The following XRRA1 variants were observed in gnomAD, a reference collection of about 807,000 sequenced individuals.
The protein encoded by XRRA1 is X-ray radiation resistance-associated protein 1.
In XRRA1, 69 loss-of-function variants were observed where a neutral mutation model predicts 80.2. That is an observed-to-expected ratio of 0.86 (90% CI 0.71 to 1.05). The LOEUF (loss-of-function observed/expected upper bound fraction) is 1.05. Among genes scored for constraint, XRRA1 ranks in the 50% least tolerant of loss-of-function variants. XRRA1 has a pLI of 0.00. For missense variants in XRRA1, 967 were observed against 976.4 expected (o/e 0.99, Z 0.13); for synonymous variants, 348 against 389.9 (o/e 0.89, Z 1.27).
rs1747171031 is a variant in XRRA1 at position 74,852,100 on chromosome 11, G to C, written c.1171-18C>G. On this transcript the variant is annotated intron_variant, in intron 12 of 18. Transcript: ENST00000684022. The stretch of plus-strand genomic sequence containing the variant: ...TTTGCGATCTGTAATGAATGCAGGA[G>C]AGACTCTCAGGTTGACACCACCCCT... 2 of 1,608,064 alleles carry C rather than the reference G, an allele frequency of 1.2e-6. No individual in the cohort carries two copies. The highest frequency in any genetic ancestry group is 1.7e-5 in the Admixed American group (1 of 59,976).
At chr11:74,897,527 T>C (rs576710884) in intron 10 of XRRA1, among the ~76,000 whole-genome samples, 2 of 151,898 alleles carry the variant, frequency 1.3e-5, no homozygotes, top group Admixed American at 6.6e-5. Context: ...GAACACCAAG[T>C]AGATTTAAGC....
chr11:74,847,316 G>A (rs1393286795), intron 15 of XRRA1, among the ~76,000 whole-genome samples: 1 of 152,104 alleles, frequency 6.6e-6, no homozygotes, highest in African/African-American at 2.4e-5. Context: ...CAGACTGGAG[G>A]GGCAAGACTA....
intron 10 of XRRA1, among the ~76,000 whole-genome samples, chr11:74,883,056 G>C (rs1328204179): frequency 6.6e-6 from 1 of 152,214 alleles, no homozygotes; most frequent in Non-Finnish European, 1.5e-5. Flanking sequence ...GAGCTTCCCG[G>C]CTGCTTTGTT....
At position 74,921,225 on chromosome 11, in the gene XRRA1, G is replaced by A. The variant is rs367799026; in HGVS notation, c.645C>T (p.Ala215=). 20 of 1,613,664 alleles carry A rather than the reference G, an allele frequency of 1.2e-5. No individual in the cohort carries two copies. The highest frequency in any genetic ancestry group is 8.9e-5 in the East Asian group (4 of 44,898). ...GAGGTAGAACTTACTGTTCTGCGACGGCCAAATTGGGCGGCAGGGAGGTAA... is the reference window on the plus strand; with the variant it reads ...GAGGTAGAACTTACTGTTCTGCGACAGCCAAATTGGGCGGCAGGGAGGTAA... ...NGLTSLPPNL[A]VAEQEASVTS... The change falls in exon 8 of 19, where the codon GCC becomes GCT. Residue 215 remains alanine (A), a synonymous_variant. Coordinates refer to ENST00000684022, the MANE Select transcript of XRRA1 (RefSeq NM_001378157.1).
intron 10 of XRRA1, among the ~76,000 whole-genome samples, chr11:74,887,531 T>C (rs2049340026): frequency 6.6e-6 from 1 of 152,182 alleles, no homozygotes; most frequent in South Asian, 2.1e-4. Context: ...CATTTCCAAC[T>C]GAGGTACGGG....
intron 8 of XRRA1, among the ~76,000 whole-genome samples, chr11:74,917,044 TC>T (rs1326917503): frequency 6.6e-6 from 1 of 152,210 alleles, no homozygotes; most frequent in Admixed American, 6.6e-5. Flanking sequence ...TCCTTTAAAT[TC>T]CCTGGAAGTC....
At chr11:74,907,516 T>A (rs561892119) in intron 8 of XRRA1, among the ~76,000 whole-genome samples, 2 of 152,286 alleles carry the variant, frequency 1.3e-5, no homozygotes, top group East Asian at 1.9e-4. Flanking sequence ...ACACACATCA[T>A]TGAAACCAGG....
Position 74,857,234 on chromosome 11 carries a change from C to CTATA in XRRA1, c.1170+1920_1170+1923dup, listed in dbSNP as rs553940554. On this transcript the variant is annotated intron_variant, in intron 12 of 18. Transcript: ENST00000684022. ...ACTCTGGCACCCTAGGAAAAACCAG[C>CTATA]TATATGCTGTCTAAAAGAGACACAC... 2.3e-3 allele frequency among the ~76,000 whole-genome samples: 353 copies of CTATA among 152,244 alleles called. 1 individual carries two copies. Among genetic ancestry groups the CTATA allele is most frequent in the African/African-American group, 8.2e-3 (339 of 41,546 alleles).
At chr11:74,933,598 C>T in intron 5 of XRRA1, 1 of 544,700 alleles carries the variant, frequency 1.8e-6, no homozygotes, top group Non-Finnish European at 3.3e-6. Context: ...AGGACAAGGG[C>T]AATATAAAAT....
chr11:74,866,223 AT>A (rs199582383), intron 10 of XRRA1, among the ~76,000 whole-genome samples: 3 of 151,982 alleles, frequency 2.0e-5, no homozygotes, highest in Non-Finnish European at 4.4e-5. Context: ...TCAAAAGAAC[AT>A]TTTTTTGGGT....
chr11:74,919,869 G>T, intron 8 of XRRA1: 1 of 403,872 alleles, frequency 2.5e-6, no homozygotes, highest in Non-Finnish European at 4.7e-6. Flanking sequence ...AATATAATGA[G>T]GATGAAGATT....
chr11:74,879,703 TC>T lies in XRRA1; in HGVS notation c.1004-16683del, dbSNP rs879852999. On this transcript the variant is annotated intron_variant, in intron 10 of 18. Coordinates refer to ENST00000684022, the MANE Select transcript of XRRA1 (RefSeq NM_001378157.1). Reference sequence around the variant, plus strand: ...TTGTTGAATTTTGTCAAAGGCTTTTTCTGCATCTGTTGAGATAATCATGTGG... The same window carrying T: ...TTGTTGAATTTTGTCAAAGGCTTTTTTGCATCTGTTGAGATAATCATGTGG... Among the ~76,000 whole-genome samples, 180 of 151,136 alleles carry T rather than the reference TC, an allele frequency of 1.2e-3. 1 individual carries two copies. The highest frequency in any genetic ancestry group is 3.4e-3 in the Middle Eastern group (1 of 294).
chr11:74,857,633 A>C (rs2041424506), intron 12 of XRRA1, among the ~76,000 whole-genome samples: 1 of 152,212 alleles, frequency 6.6e-6, no homozygotes, highest in African/African-American at 2.4e-5. Flanking sequence ...TTTATAGAAC[A>C]CTTTCCCCCA....
At position 74,843,979 on chromosome 11, in the gene XRRA1, G is replaced by A; in HGVS notation, c.2044-20C>T. ...CTGGGCCTGGCAGAAGGTCATGGAG[G>A]AGGGTGTTATCCCAGGTTTATGCAC... On this transcript the variant is annotated intron_variant, in intron 17 of 18. Coordinates refer to ENST00000684022, the MANE Select transcript of XRRA1 (RefSeq NM_001378157.1). 2 of 1,605,318 alleles carry A rather than the reference G, an allele frequency of 1.2e-6. No homozygotes were observed. Among genetic ancestry groups the A allele is most frequent in the Non-Finnish European group, 1.7e-6 (2 of 1,173,084 alleles).
At chr11:74,878,471 G>A (rs2046624116) in intron 10 of XRRA1, among the ~76,000 whole-genome samples, 1 of 152,196 alleles carries the variant, frequency 6.6e-6, no homozygotes, top group African/African-American at 2.4e-5. Flanking sequence ...AGTTTAATCA[G>A]ATCCCATTTG....
At chr11:74,848,996 AAGAT>A (rs2039070716) in intron 14 of XRRA1, among the ~76,000 whole-genome samples, 1 of 152,142 alleles carries the variant, frequency 6.6e-6, no homozygotes, top group Admixed American at 6.5e-5. Context: ...AAAGATCCTA[AAGAT>A]AGATCTCTCT....
At chr11:74,880,195 A>G in intron 10 of XRRA1, among the ~76,000 whole-genome samples, 1 of 152,188 alleles carries the variant, frequency 6.6e-6, no homozygotes, top group Middle Eastern at 3.2e-3. Flanking sequence ...TAGTCTTCAG[A>G]GAGTGTATGT....
At chr11:74,898,660 T>TA (rs1020931453) in intron 10 of XRRA1, among the ~76,000 whole-genome samples, 1 of 151,750 alleles carries the variant, frequency 6.6e-6, no homozygotes, top group Non-Finnish European at 1.5e-5. Flanking sequence ...AGAAGATAAT[T>TA]AAAAAAACAA....
intron 6 of XRRA1, among the ~76,000 whole-genome samples, chr11:74,929,962 T>G (rs1565427931): frequency 6.6e-6 from 1 of 152,148 alleles, no homozygotes; most frequent in Non-Finnish European, 1.5e-5. Context: ...ATAAGAAGGC[T>G]TTATGCTCCT....
Sources: gnomAD v4.1 joint callset for allele counts (sites outside exome capture counted in the v4.1 genomes callset) on GRCh38, gnomAD v4.1.1 for gene constraint, MANE v1.5 for transcripts, NCBI Gene and HGNC (gene_info 2026-07-23, HGNC 2026-07-21) for gene names.